The following CRLS1 variants were observed in gnomAD, a reference collection of about 807,000 sequenced individuals.
CRLS1 encodes cardiolipin synthase 1.
In CRLS1, 24 loss-of-function variants were observed where a neutral mutation model predicts 37.0. The observed-to-expected ratio is 0.65, with a 90% CI of 0.47 to 0.91. CRLS1 has a LOEUF of 0.91. Ranked by LOEUF, CRLS1 falls within the 40% of genes least tolerant of loss-of-function variation. The pLI is 0.00. For synonymous variants in CRLS1, 135 were observed against 159.7 expected, an observed-to-expected ratio of 0.85 and a Z score of 1.17; for missense variants, 373 against 395.8, an observed-to-expected ratio of 0.94 and a Z score of 0.49.
rs189102693 is a variant in CRLS1, at chr20:6,030,732, T to C, written c.575-553T>C. 2.4e-4 allele frequency among the ~76,000 whole-genome samples: 37 copies of C among 151,510 alleles called. 1 individual carries two copies. The East Asian group carries it at 6.0e-3, about 25-fold the overall frequency. On this transcript the variant is annotated intron_variant, in intron 3 of 6. Coordinates refer to ENST00000378863, the MANE Select transcript of CRLS1 (RefSeq NM_019095.6). ...AGGCTCTGTCTCAAAAAAAAAAAAA[T>C]TCTGTTTCTCTACTAGTTGCACATA...
chr20:6,006,155 T>C lies in CRLS1; in HGVS notation c.-92T>C. 1.6e-6 allele frequency: 1 copy of C among 624,126 alleles called. No individual in the cohort carries two copies. The highest frequency in any genetic ancestry group is 2.3e-6 in the Non-Finnish European group (1 of 440,384). 38.7% of individuals were successfully genotyped at this position (624,126 alleles called of 1,614,324 possible). On this transcript the variant is annotated 5_prime_UTR_variant, in exon 1 of 7. Transcript: ENST00000378863. The stretch of plus-strand genomic sequence containing the variant: ...AGGCAGCGGTAGCCCAGTGTCTGAG[T>C]GGTTGCCGGGTCTCCATGGAGAAGC...
rs1980806740 is a variant in CRLS1 at position 6,039,309 on chromosome 20, TG to T, written c.*2152del. The stretch of plus-strand genomic sequence containing the variant: ...TGTGTGTGTGTGTGTGTGTGTATTT[TG>T]TTTTTTTTACAAGCCCACAACATCA... On this transcript the variant is annotated 3_prime_UTR_variant, in exon 7 of 7. Transcript: ENST00000378863. 3 of 149,730 alleles carry T rather than the reference TG, an allele frequency of 2.0e-5. No homozygotes were observed. The Admixed American group carries it at 2.0e-4, about 10-fold the overall frequency. The allele number at this position is 149,730 out of a possible 1,614,324, so 9.3% of individuals were successfully genotyped here. A position where few individuals can be genotyped will look rare whatever the true frequency, so the allele number is the denominator to read the frequency against.
At chr20:6,033,926 A>G (rs947895048) in intron 5 of CRLS1, among the ~76,000 whole-genome samples, 1 of 152,224 alleles carries the variant, frequency 6.6e-6, no homozygotes, top group Non-Finnish European at 1.5e-5. Flanking sequence ...GATTGCAGGC[A>G]TGAACCACTG....
chr20:6,011,216 G>A (rs1009443716), intron 2 of CRLS1, among the ~76,000 whole-genome samples: 2 of 152,212 alleles, frequency 1.3e-5, no homozygotes, highest in African/African-American at 4.8e-5. Flanking sequence ...ACTAATTTAT[G>A]TTTGAAAAGC....
chr20:6,030,934 A>G lies in CRLS1; in HGVS notation c.575-351A>G, dbSNP rs375096424. 5.8e-4 allele frequency among the ~76,000 whole-genome samples: 88 copies of G among 152,312 alleles called. 1 individual carries two copies. In the South Asian group the frequency reaches 0.016, roughly 28 times the overall value. On this transcript the variant is annotated intron_variant, in intron 3 of 6. Coordinates refer to ENST00000378863, the MANE Select transcript of CRLS1 (RefSeq NM_019095.6). The stretch of plus-strand genomic sequence containing the variant: ...AAATGTGCAGAGCTTAGAAGTAGCA[A>G]AGGAGGAGATAGCGCTGAGTAGAGC...
At chr20:6,023,358 GA>G (rs1408971129) in intron 3 of CRLS1, 1 of 152,150 alleles carries the variant, frequency 6.6e-6, no homozygotes, top group Admixed American at 6.5e-5. Context: ...ACTCACCAGA[GA>G]AGATTTTTTT....
chr20:6,032,094 A>G lies in CRLS1; in HGVS notation c.729+14A>G, dbSNP rs766081446. The G allele has an allele frequency of 2.3e-5, 37 of 1,589,366 alleles. No individual in the cohort carries two copies. Among genetic ancestry groups the G allele is most frequent in the African/African-American group, 5.4e-5 (4 of 74,414 alleles). The stretch of plus-strand genomic sequence containing the variant: ...TTCATCAGCAAGGTAAGAGAATGCA[A>G]TGTTCTTTGAAGTTATTCCTTTGTA... On this transcript the variant is annotated intron_variant, in intron 5 of 6. Transcript: ENST00000378863.
chr20:6,034,106 A>G (rs1186060865), intron 5 of CRLS1, among the ~76,000 whole-genome samples: 1 of 152,222 alleles, frequency 6.6e-6, no homozygotes, highest in African/African-American at 2.4e-5. Flanking sequence ...TTACCCATGA[A>G]GAGGTAGCTT....
Position 6,009,868 on chromosome 20 carries a change from A to C in CRLS1, c.400A>C (p.Asn134His). 6.2e-7 allele frequency: 1 copy of C among 1,614,096 alleles called. No individual in the cohort carries two copies. The highest frequency in any genetic ancestry group is 1.1e-5 in the South Asian group (1 of 91,066). ...CTATTTGATTATTGAAGAAGATTTT[A>C]ATATTGCACTAGGAGTTTTTGCTTT... Reference protein sequence around the residue: ...LGYLIIEEDFNIALGVFALAG... With the variant: ...LGYLIIEEDFHIALGVFALAG... The change falls in exon 2 of 7, where the codon AAT becomes CAT. Residue 134 changes from asparagine to histidine, a missense_variant. Asn to His is a moderately conservative substitution (Grantham distance 68, BLOSUM62 1). Transcript: ENST00000378863.
chr20:6,010,829 C>G (rs948761049), intron 2 of CRLS1, among the ~76,000 whole-genome samples: 2 of 152,100 alleles, frequency 1.3e-5, no homozygotes, highest in Non-Finnish European at 2.9e-5. Context: ...TCAACCTGCA[C>G]AACATAGCAA....
At chr20:6,008,347 G>A (rs932442726) in intron 1 of CRLS1, among the ~76,000 whole-genome samples, 4 of 152,156 alleles carry the variant, frequency 2.6e-5, no homozygotes, top group Non-Finnish European at 4.4e-5. Flanking sequence ...GCGTTTTCTT[G>A]TTGTTATTTC....
intron 3 of CRLS1, among the ~76,000 whole-genome samples, chr20:6,019,405 G>A (rs1000816260): frequency 1.3e-5 from 2 of 151,884 alleles, no homozygotes; most frequent in Non-Finnish European, 2.9e-5. Context: ...TCCTTGTGGA[G>A]CAGGGCTACC....
At chr20:6,032,257 T>A (rs1200973458) in intron 5 of CRLS1, among the ~76,000 whole-genome samples, 177 bp downstream of exon 5, 1 of 152,192 alleles carries the variant, frequency 6.6e-6, no homozygotes, top group African/African-American at 2.4e-5. Context: ...GTTTTTTGGA[T>A]CATCCTTATA....
intron 5 of CRLS1, among the ~76,000 whole-genome samples, chr20:6,032,363 CTTTTTT>C (rs199513049): frequency 7.7e-6 from 1 of 130,142 alleles, no homozygotes; most frequent in African/African-American, 2.9e-5. Flanking sequence ...GTAATTGTTC[CTTTTTT>C]TTTTTTTTTT....
intron 1 of CRLS1, among the ~76,000 whole-genome samples, chr20:6,009,293 A>C (rs2090100638): frequency 6.6e-6 from 1 of 151,678 alleles, no homozygotes; most frequent in South Asian, 2.1e-4. Context: ...ACTGCACTCC[A>C]GCCTGGGCAA....
intron 2 of CRLS1, 85 bp downstream of exon 2, chr20:6,009,997 C>T: frequency 7.7e-7 from 1 of 1,306,344 alleles, no homozygotes; most frequent in East Asian, 2.6e-5. Context: ...CCTTAGCCTG[C>T]TTTTCCTTGG....
intron 5 of CRLS1, among the ~76,000 whole-genome samples, chr20:6,032,570 G>C (rs1980248069): frequency 6.6e-6 from 1 of 152,052 alleles, no homozygotes; most frequent in Non-Finnish European, 1.5e-5. Context: ...CTTCCCTGTG[G>C]TGAAAATACC....
chr20:6,032,620 AG>A (rs1980252431), intron 5 of CRLS1, among the ~76,000 whole-genome samples: 1 of 152,192 alleles, frequency 6.6e-6, no homozygotes, highest in Non-Finnish European at 1.5e-5. Context: ...TTAAGTGGAA[AG>A]GGATAGGAAA....
intron 3 of CRLS1, among the ~76,000 whole-genome samples, chr20:6,022,921 A>C (rs556207266): frequency 5.7e-4 from 87 of 152,138 alleles, no homozygotes; most frequent in Non-Finnish European, 7.2e-4. Flanking sequence ...ATTACATCTC[A>C]GTGGGTTTTT....
Sources: gnomAD v4.1 joint callset for allele counts (sites outside exome capture counted in the v4.1 genomes callset) on GRCh38, gnomAD v4.1.1 for gene constraint, MANE v1.5 for transcripts, NCBI Gene and HGNC (gene_info 2026-07-23, HGNC 2026-07-21) for gene names.